FSTL5: variants seen among roughly 807,000 people sequenced by gnomAD.
FSTL5 encodes follistatin-related protein 5.
FSTL5 carries 62 observed loss-of-function variants against 89.1 expected under a neutral mutation model. The ratio of observed to expected loss-of-function variants is 0.70; its 90% CI spans 0.57 to 0.86. The LOEUF (loss-of-function observed/expected upper bound fraction) is 0.86. Among genes scored for constraint, FSTL5 ranks in the 40% least tolerant of loss-of-function variants. The probability of loss-of-function intolerance (pLI) is 0.00; values close to 1 mark genes in which losing one functional copy is unlikely to be tolerated. For synonymous variants in FSTL5, 383 were observed against 346.2 expected, an observed-to-expected ratio of 1.11 and a Z score of -1.18; for missense variants, 1,057 against 1,001.6, an observed-to-expected ratio of 1.06 and a Z score of -0.75.
intron 7 of FSTL5, among the ~76,000 whole-genome samples, chr4:161,637,501 C>T (rs1254333255): frequency 6.6e-6 from 1 of 151,888 alleles, no homozygotes; most frequent in Non-Finnish European, 1.5e-5. Flanking sequence ...TCGTTTGTTG[C>T]CATTGCTTTT....
At chr4:162,021,957 G>A (rs2111159880) in intron 3 of FSTL5, among the ~76,000 whole-genome samples, 1 of 152,170 alleles carries the variant, frequency 6.6e-6, no homozygotes, top group Middle Eastern at 3.4e-3. Flanking sequence ...TAGGTGTGGT[G>A]GCGGGTGCCT....
intron 2 of FSTL5, among the ~76,000 whole-genome samples, chr4:162,051,483 A>G (rs938413727): frequency 1.8e-4 from 27 of 151,514 alleles, no homozygotes; most frequent in Non-Finnish European, 4.4e-5. Flanking sequence ...AAAAAAATAG[A>G]AAACCCTACT....
At chr4:162,143,499 T>C (rs1732831332) in intron 1 of FSTL5, among the ~76,000 whole-genome samples, 1 of 152,186 alleles carries the variant, frequency 6.6e-6, no homozygotes, top group Non-Finnish European at 1.5e-5. Context: ...TAATGCTCCA[T>C]GCTAATTGCA....
intron 9 of FSTL5, among the ~76,000 whole-genome samples, chr4:161,540,636 G>T (rs913168241): frequency 1.3e-5 from 2 of 151,918 alleles, no homozygotes; most frequent in Non-Finnish European, 2.9e-5. Context: ...TCAGATTGAT[G>T]AATTATCCAA....
intron 4 of FSTL5, among the ~76,000 whole-genome samples, chr4:161,788,213 A>G (rs1028464212): frequency 1.3e-5 from 2 of 152,210 alleles, no homozygotes; most frequent in Non-Finnish European, 2.9e-5. Context: ...AAATTAGGGT[A>G]AGTAGTATAT....
At chr4:161,941,231 A>G (rs549322031) in intron 3 of FSTL5, among the ~76,000 whole-genome samples, 71 of 151,974 alleles carry the variant, frequency 4.7e-4, no homozygotes, top group Middle Eastern at 3.4e-3. Context: ...ATAAGGCAAT[A>G]ATGGAGAAAA....
intron 15 of FSTL5, among the ~76,000 whole-genome samples, chr4:161,454,294 T>A (rs1282333706): frequency 6.6e-6 from 1 of 152,182 alleles, no homozygotes; most frequent in Non-Finnish European, 1.5e-5. Flanking sequence ...ATTTTTAAAT[T>A]GTTTCAACAG....
At chr4:161,488,653 C>T (rs1729762231) in intron 12 of FSTL5, among the ~76,000 whole-genome samples, 3 of 151,798 alleles carry the variant, frequency 2.0e-5, no homozygotes, top group Admixed American at 6.6e-5. Flanking sequence ...TATCACATGG[C>T]GTTATTGTGA....
At chr4:161,773,944 C>A (rs1012193136) in intron 5 of FSTL5, among the ~76,000 whole-genome samples, 1 of 152,102 alleles carries the variant, frequency 6.6e-6, no homozygotes, top group South Asian at 2.1e-4. Context: ...CAGCCCACAT[C>A]CATCATTCAA....
chr4:161,671,236 A>G (rs747428493), intron 6 of FSTL5, among the ~76,000 whole-genome samples: 2 of 152,222 alleles, frequency 1.3e-5, no homozygotes, highest in Non-Finnish European at 2.9e-5. Flanking sequence ...AGAAGAGTTA[A>G]GTATATTAGA....
intron 4 of FSTL5, among the ~76,000 whole-genome samples, chr4:161,825,672 G>A (rs570099218): frequency 1.3e-4 from 20 of 151,988 alleles, no homozygotes; most frequent in Admixed American, 7.9e-4. Context: ...CAGTTTATTC[G>A]CATAAAGATG....
chr4:162,093,564 C>A (rs1430955447), intron 2 of FSTL5, among the ~76,000 whole-genome samples: 1 of 151,934 alleles, frequency 6.6e-6, no homozygotes, highest in East Asian at 1.9e-4. Context: ...AAAAAATACA[C>A]AAATATGAAA....
intron 13 of FSTL5, among the ~76,000 whole-genome samples, chr4:161,464,847 A>G (rs372558612): frequency 2.0e-5 from 3 of 152,096 alleles, no homozygotes; most frequent in East Asian, 3.8e-4. Flanking sequence ...TTATTATTTT[A>G]TTTAACAAAA....
intron 4 of FSTL5, among the ~76,000 whole-genome samples, chr4:161,853,081 C>A (rs1005074767): frequency 1.1e-4 from 16 of 152,198 alleles, no homozygotes; most frequent in African/African-American, 3.1e-4. Context: ...TTTACTTGAG[C>A]AAAAATGGGT....
At chr4:161,896,547 T>A (rs1579175908) in intron 4 of FSTL5, among the ~76,000 whole-genome samples, 1 of 152,180 alleles carries the variant, frequency 6.6e-6, no homozygotes. Flanking sequence ...GTTTTGTTTT[T>A]ATATACTATT....
Position 161,482,310 on chromosome 4 carries a change from C to T in FSTL5, c.1459-1141G>A, listed in dbSNP as rs145652269. On this transcript the variant is annotated intron_variant, in intron 12 of 15. Transcript: ENST00000306100. ...CAGCCTGGGTGACAGAGCGAGACTC[C>T]GTCTCAAAAAAAAAAATTATGTGCA... Among the ~76,000 whole-genome samples the T allele has an allele frequency of 3.5e-3, 518 of 149,278 alleles. 3 individuals are homozygous for T. Among genetic ancestry groups the T allele is most frequent in the African/African-American group, 0.012 (468 of 39,538 alleles).
intron 3 of FSTL5, among the ~76,000 whole-genome samples, chr4:161,962,546 T>A (rs879706931): frequency 3.5e-4 from 53 of 152,126 alleles, no homozygotes; most frequent in Middle Eastern, 3.4e-3. Context: ...TGATTCTTTT[T>A]TTTTTAATTC....
At chr4:162,001,224 C>T (rs1736453760) in intron 3 of FSTL5, among the ~76,000 whole-genome samples, 1 of 152,108 alleles carries the variant, frequency 6.6e-6, no homozygotes, top group African/African-American at 2.4e-5. Context: ...TATCCCATTC[C>T]ATTTTTATGA....
At chr4:161,885,768 T>C (rs1560899425) in intron 4 of FSTL5, among the ~76,000 whole-genome samples, 3 of 152,166 alleles carry the variant, frequency 2.0e-5, no homozygotes. Context: ...TGATTTCATT[T>C]TTCTTTGCTT....
Sources: gnomAD v4.1 joint callset for allele counts (sites outside exome capture counted in the v4.1 genomes callset) on GRCh38, gnomAD v4.1.1 for gene constraint, MANE v1.5 for transcripts, NCBI Gene and HGNC (gene_info 2026-07-23, HGNC 2026-07-21) for gene names.